ARID5B: variants seen among roughly 807,000 people sequenced by gnomAD.
ARID5B encodes the protein AT-rich interaction domain 5B.
Under a neutral mutation model 97.2 loss-of-function variants are expected in ARID5B, and 13 were observed. That is an observed-to-expected ratio of 0.13 (90% CI 0.09 to 0.21). The LOEUF is 0.21. Among genes scored for constraint, ARID5B ranks in the 10% least tolerant of loss-of-function variants. The pLI is 1.00. For synonymous variants in ARID5B, 556 were observed against 570.3 expected, an observed-to-expected ratio of 0.97 and a Z score of 0.36; for missense variants, 1,210 against 1,465.3, an observed-to-expected ratio of 0.83 and a Z score of 2.84.
chr10:61,994,691 T>C (rs1399043798), intron 3 of ARID5B, among the ~76,000 whole-genome samples: 1 of 152,166 alleles, frequency 6.6e-6, no homozygotes, highest in Non-Finnish European at 1.5e-5. Flanking sequence ...GGGTGGAGTC[T>C]CATGTTATAA....
chr10:62,087,447 A>G (rs979298412), intron 9 of ARID5B, among the ~76,000 whole-genome samples: 2 of 151,730 alleles, frequency 1.3e-5, no homozygotes, highest in Non-Finnish European at 2.9e-5. Context: ...TTTTGGTAGA[A>G]GCCATTACCC....
chr10:61,965,727 G>A (rs1299858769), intron 3 of ARID5B, among the ~76,000 whole-genome samples: 1 of 151,982 alleles, frequency 6.6e-6, no homozygotes, highest in Non-Finnish European at 1.5e-5. Flanking sequence ...GTAGAACACT[G>A]GCCACTAAAA....
At chr10:62,070,635 C>T (rs1840051461) in intron 8 of ARID5B, among the ~76,000 whole-genome samples, 1 of 152,120 alleles carries the variant, frequency 6.6e-6, no homozygotes, top group South Asian at 2.1e-4. Context: ...TTGCATTTAA[C>T]TCAGCTTTAG....
At chr10:62,033,709 A>T (rs1467468541) in intron 4 of ARID5B, among the ~76,000 whole-genome samples, 1 of 152,194 alleles carries the variant, frequency 6.6e-6, no homozygotes, top group Non-Finnish European at 1.5e-5. Context: ...TAATAATGGT[A>T]TTCACCATTT....
intron 4 of ARID5B, chr10:62,049,254 G>A (rs1839752573): frequency 7.1e-7 from 1 of 1,405,194 alleles, no homozygotes; most frequent in South Asian, 1.5e-5. Context: ...AAGTCCTCAG[G>A]CTCATCCCAC....
Position 62,092,663 on chromosome 10 carries a change from A to G in ARID5B, c.3200A>G (p.Glu1067Gly), listed in dbSNP as rs780712658. The G allele has an allele frequency of 1.9e-6, 3 of 1,614,056 alleles. No homozygotes were observed. In the South Asian group the frequency reaches 3.3e-5, roughly 18 times the overall value. ...AHGGHSGGGSEGHKLPLSSPI... is the reference protein window; with the variant it reads ...AHGGHSGGGSGGHKLPLSSPI... ...GGTGGGCATTCCGGGGGCGGATCAG[A>G]AGGCCACAAGCTTCCCCTCTCCTCC... Residue 1067 changes from glutamate (E) to glycine (G), a missense_variant, in exon 10 of 10, where the codon GAA (glutamate) becomes GGA (glycine). By Grantham distance (98) the Glu-to-Gly change is moderately conservative (BLOSUM62 -2). Transcript: ENST00000279873.
chr10:62,074,868 A>T (rs1166094841), intron 8 of ARID5B, among the ~76,000 whole-genome samples: 2 of 152,274 alleles, frequency 1.3e-5, no homozygotes, highest in Non-Finnish European at 2.9e-5. Flanking sequence ...GCGAATAAGC[A>T]TTGATACACT....
At chr10:62,056,408 C>G (rs1839857463) in intron 5 of ARID5B, among the ~76,000 whole-genome samples, 1 of 150,718 alleles carries the variant, frequency 6.6e-6, no homozygotes, top group African/African-American at 2.5e-5. Flanking sequence ...AGGGTGTACC[C>G]CCGCATCACT....
intron 2 of ARID5B, among the ~76,000 whole-genome samples, chr10:61,918,700 T>G (rs944199617): frequency 6.6e-6 from 1 of 152,224 alleles, no homozygotes; most frequent in East Asian, 1.9e-4. Flanking sequence ...GAAGGAGACA[T>G]GTTCAAATCC....
chr10:62,085,985 T>C, intron 9 of ARID5B, 85 bp downstream of exon 9: 1 of 1,385,706 alleles, frequency 7.2e-7, no homozygotes, highest in Non-Finnish European at 9.8e-7. Flanking sequence ...CACAGCTGTG[T>C]CCCTGCACAG....
At chr10:62,051,339 G>A (rs1839787723) in intron 5 of ARID5B, among the ~76,000 whole-genome samples, 1 of 152,188 alleles carries the variant, frequency 6.6e-6, no homozygotes, top group Non-Finnish European at 1.5e-5. Flanking sequence ...CTCTGCTTGT[G>A]TCAAAAATAG....
At chr10:61,939,512 C>T (rs1408205169) in intron 2 of ARID5B, among the ~76,000 whole-genome samples, 1 of 152,230 alleles carries the variant, frequency 6.6e-6, no homozygotes, top group African/African-American at 2.4e-5. Flanking sequence ...CACCCTCTCA[C>T]CCTCTACCCC....
At chr10:61,912,161 G>C (rs535116651) in intron 2 of ARID5B, among the ~76,000 whole-genome samples, 1 of 152,170 alleles carries the variant, frequency 6.6e-6, no homozygotes, top group Non-Finnish European at 1.5e-5. Flanking sequence ...CAAGCACAAA[G>C]GATCGCAGTA....
Position 62,000,984 on chromosome 10 carries a change from A to G in ARID5B, c.733+663A>G, listed in dbSNP as rs1839072542. ...AAGATGGATACATATCTTAATCTGC[A>G]TCTCTGCCTAGCTAACTGGTCACGT... is the stretch of plus-strand genomic sequence containing the variant. On this transcript the variant is annotated intron_variant, in intron 4 of 9. Coordinates refer to ENST00000279873, the MANE Select transcript of ARID5B (RefSeq NM_032199.3). The surrounding 1 kb of genome is among the most constrained non-coding windows in gnomAD (Gnocchi z 4.4). Among the ~76,000 whole-genome samples the G allele has an allele frequency of 6.6e-6, 1 of 152,218 alleles. No homozygotes were observed. The highest frequency in any genetic ancestry group is 1.5e-5 in the Non-Finnish European group (1 of 68,032).
chr10:61,977,757 T>C (rs1402299147), intron 3 of ARID5B, among the ~76,000 whole-genome samples: 1 of 152,232 alleles, frequency 6.6e-6, no homozygotes, highest in East Asian at 1.9e-4. Flanking sequence ...TTCTGGATAT[T>C]AGCCCTTTGT....
At position 62,092,667 on chromosome 10, in the gene ARID5B, C is replaced by A; in HGVS notation, c.3204C>A (p.Gly1068=). 6.2e-7 allele frequency: 1 copy of A among 1,613,992 alleles called. No individual in the cohort carries two copies. Among genetic ancestry groups the A allele is most frequent in the South Asian group, 1.1e-5 (1 of 91,052 alleles). The change falls in exon 10 of 10, where the codon GGC becomes GGA. Residue 1068 remains glycine, a synonymous_variant. Coordinates refer to ENST00000279873, the MANE Select transcript of ARID5B (RefSeq NM_032199.3). Reference sequence around the variant, plus strand: ...GGCATTCCGGGGGCGGATCAGAAGGCCACAAGCTTCCCCTCTCCTCCCCTA... The same window carrying A: ...GGCATTCCGGGGGCGGATCAGAAGGACACAAGCTTCCCCTCTCCTCCCCTA... The part of the protein sequence containing the change: ...HGGHSGGGSE[G]HKLPLSSPIF...
intron 8 of ARID5B, among the ~76,000 whole-genome samples, chr10:62,077,530 CAA>C (rs5785510): frequency 6.6e-6 from 1 of 150,878 alleles, no homozygotes; most frequent in Admixed American, 6.6e-5. Context: ...TGACCCCCCC[CAA>C]AAAAAAAGCT....
At chr10:62,032,140 C>T (rs116116095) in intron 4 of ARID5B, among the ~76,000 whole-genome samples, 1,596 of 152,184 alleles carry the variant, frequency 0.01, 24 homozygotes, top group African/African-American at 0.036. Context: ...AAGTGTAAGA[C>T]TCTGTCTCTA....
intron 3 of ARID5B, among the ~76,000 whole-genome samples, chr10:61,967,592 G>A (rs1183446883): frequency 6.6e-6 from 1 of 152,196 alleles, no homozygotes; most frequent in East Asian, 1.9e-4. Flanking sequence ...GTTGTAGAAT[G>A]ACAAGTGGAG....
Sources: allele counts gnomAD v4.1 joint callset (sites outside exome capture counted in the v4.1 genomes callset), GRCh38; gene constraint gnomAD v4.1.1; non-coding constraint Gnocchi (gnomAD v3.1); transcripts MANE v1.5; gene names NCBI Gene and HGNC (gene_info 2026-07-23, HGNC 2026-07-21).